Variants in IGSF10 observed in about 807,000 individuals in gnomAD.
IGSF10 encodes the protein immunoglobulin superfamily member 10.
A neutral mutation model predicts 128.2 loss-of-function variants in IGSF10; 126 were observed. That is an observed-to-expected ratio of 0.98 (90% CI 0.85 to 1.14). The LOEUF is 1.14. IGSF10 is among the 50% of genes most tolerant of loss of function. The pLI, the probability that IGSF10 is intolerant of heterozygous loss-of-function variation, is 0.00. For missense variants in IGSF10, 3,295 were observed against 3,149.8 expected (o/e 1.05, Z -1.10); for synonymous variants, 1,185 against 1,146.2 (o/e 1.03, Z -0.68).
chr3:151,476,715 C>T, the IGSF10 span, among the ~76,000 whole-genome samples: 5 of 152,140 alleles, frequency 3.3e-5, no homozygotes, highest in African/African-American at 1.2e-4. Flanking sequence ...TTTCCCCCTC[C>T]AGTTTTGTTG....
In IGSF10 at chr3:151,443,651, T is replaced by G; in HGVS notation, c.5296A>C (p.Lys1766Gln). The change falls in exon 7 of 8, where the codon AAG (lysine) becomes CAG (glutamine). Residue 1766 changes from lysine to glutamine, a missense_variant. By Grantham distance (53) the Lys-to-Gln change is moderately conservative. Coordinates refer to ENST00000282466, the MANE Select transcript of IGSF10 (RefSeq NM_178822.5). ...TVHSGSTVELKCRAEGRPSPT... is the reference protein window; with the variant it reads ...TVHSGSTVELQCRAEGRPSPT... The stretch of plus-strand genomic sequence containing the variant: ...CTTGGCCTACCTTCTGCTCTGCACT[T>G]CAGTTCCACAGTGCTTCCGGAATGA... 1.2e-6 allele frequency: 2 copies of G among 1,614,218 alleles called. No individual in the cohort carries two copies. Among genetic ancestry groups the G allele is most frequent in the Non-Finnish European group, 1.7e-6 (2 of 1,180,038 alleles).
chr3:151,575,568 A>C, the IGSF10 span, among the ~76,000 whole-genome samples: 30 of 152,330 alleles, frequency 2.0e-4, 1 homozygote, highest in Admixed American at 1.1e-3. Flanking sequence ...ACCATTTGCT[A>C]AGACCATTGG....
intron 7 of IGSF10, among the ~76,000 whole-genome samples, chr3:151,438,901 CCAT>C (rs1383468481): frequency 1.3e-5 from 2 of 151,366 alleles, no homozygotes; most frequent in African/African-American, 4.9e-5. Flanking sequence ...ACTAGCATGT[CCAT>C]CACCTCATAG....
Position 151,445,089 on chromosome 3 carries a change from G to C in IGSF10, c.4892C>G (p.Thr1631Ser). ...FDKKPVQEAT[T>S]SKLLPFDSLS... ...AGAGTCAAAGGGAAGGAGTTTGGAA[G>C]TTGTTGCTTCTTGAACTGGTTTCTT... is the stretch of plus-strand genomic sequence containing the variant. The change falls in exon 6 of 8, where the codon ACT becomes AGT. Residue 1631 changes from threonine to serine, a missense_variant. By Grantham distance (58) the Thr-to-Ser change is moderately conservative (BLOSUM62 1). Coordinates refer to ENST00000282466, the MANE Select transcript of IGSF10 (RefSeq NM_178822.5). 2 of 1,614,210 alleles carry C rather than the reference G, an allele frequency of 1.2e-6. No homozygotes were observed. The highest frequency in any genetic ancestry group is 1.3e-5 in the African/African-American group (1 of 75,050).
chr3:151,518,167 TAC>T, the IGSF10 span, among the ~76,000 whole-genome samples: 2 of 152,018 alleles, frequency 1.3e-5, no homozygotes, highest in African/African-American at 4.8e-5. Context: ...GTGGAGTTTA[TAC>T]AGACTGTAGT....
At chr3:151,617,402 T>C in the IGSF10 span, among the ~76,000 whole-genome samples, 5 of 151,364 alleles carry the variant, frequency 3.3e-5, no homozygotes, top group African/African-American at 1.2e-4. Context: ...ATCTTCTTTT[T>C]TTTTTGTTGG....
the IGSF10 span, among the ~76,000 whole-genome samples, chr3:151,532,522 C>A: frequency 6.6e-6 from 1 of 152,066 alleles, no homozygotes; most frequent in Non-Finnish European, 1.5e-5. Flanking sequence ...GCTAGTTCAA[C>A]ATACCCAAAT....
chr3:151,494,509 G>C, the IGSF10 span, among the ~76,000 whole-genome samples: 1 of 151,982 alleles, frequency 6.6e-6, no homozygotes, highest in Non-Finnish European at 1.5e-5. Flanking sequence ...GCATTGTTTA[G>C]TGATGACTTT....
At chr3:151,505,781 CT>C in the IGSF10 span, among the ~76,000 whole-genome samples, 4 of 152,218 alleles carry the variant, frequency 2.6e-5, no homozygotes, top group African/African-American at 9.6e-5. Context: ...CATTTAAAGA[CT>C]TTATAAAAGG....
chr3:151,524,091 C>T, the IGSF10 span, among the ~76,000 whole-genome samples: 1 of 152,014 alleles, frequency 6.6e-6, no homozygotes, highest in African/African-American at 2.4e-5. Context: ...CAAATCAAAA[C>T]CAGTCAGAAT....
At chr3:151,453,032 T>G (rs1721585280) in intron 5 of IGSF10, among the ~76,000 whole-genome samples, 1 of 151,848 alleles carries the variant, frequency 6.6e-6, no homozygotes, top group African/African-American at 2.4e-5. Flanking sequence ...GGCTGAGGGT[T>G]GGAGAGGAGG....
the IGSF10 span, among the ~76,000 whole-genome samples, chr3:151,568,541 C>T: frequency 6.6e-6 from 1 of 152,134 alleles, no homozygotes; most frequent in African/African-American, 2.4e-5. Flanking sequence ...ACAGAGTTCT[C>T]TTTCTTTATA....
the IGSF10 span, among the ~76,000 whole-genome samples, chr3:151,593,765 A>G: frequency 5.9e-5 from 9 of 152,174 alleles, no homozygotes; most frequent in Non-Finnish European, 1.2e-4. Flanking sequence ...TCTCAGAAAG[A>G]ACTAGCATTA....
chr3:151,452,910 G>T (rs1189646700), intron 5 of IGSF10, among the ~76,000 whole-genome samples: 1 of 151,960 alleles, frequency 6.6e-6, no homozygotes, highest in Non-Finnish European at 1.5e-5. Context: ...GAAAGGAAGG[G>T]CTCCAGGCAG....
intron 7 of IGSF10, 36 bp downstream of exon 7, chr3:151,442,948 A>C (rs368698916): frequency 1.2e-5 from 19 of 1,565,600 alleles, no homozygotes; most frequent in Non-Finnish European, 1.6e-5. Context: ...CTAAATACAT[A>C]AAGCAGATAA....
chr3:151,542,709 G>T, the IGSF10 span, among the ~76,000 whole-genome samples: 2 of 152,144 alleles, frequency 1.3e-5, no homozygotes, highest in African/African-American at 2.4e-5. Flanking sequence ...ACTTCTTATA[G>T]TTTCTGATTT....
the IGSF10 span, among the ~76,000 whole-genome samples, chr3:151,558,139 C>T: frequency 2.0e-5 from 3 of 148,224 alleles, no homozygotes; most frequent in Non-Finnish European, 4.5e-5. Context: ...AGGTTTCCAC[C>T]TCCTGAATTT....
the IGSF10 span, among the ~76,000 whole-genome samples, chr3:151,585,077 T>A: frequency 1.3e-5 from 2 of 152,234 alleles, no homozygotes; most frequent in Non-Finnish European, 2.9e-5. Flanking sequence ...AGTTTAATAC[T>A]GCTTTGTCCA....
In IGSF10 at chr3:151,446,262, G is replaced by A. The variant is rs989661995; in HGVS notation, c.3719C>T (p.Pro1240Leu). The A allele has an allele frequency of 2.5e-6, 4 of 1,613,856 alleles. No individual in the cohort carries two copies. Among genetic ancestry groups the A allele is most frequent in the Non-Finnish European group, 3.4e-6 (4 of 1,179,876 alleles). The change falls in exon 6 of 8, where the codon CCT becomes CTT. Residue 1240 changes from proline (P) to leucine (L), a missense_variant. Physicochemically the swap from Pro to Leu is moderately conservative, Grantham distance 98. Coordinates refer to ENST00000282466, the MANE Select transcript of IGSF10 (RefSeq NM_178822.5). Reference protein sequence around the residue: ...STAVMLPKTSPALPRDKVSPF... With the variant: ...STAVMLPKTSLALPRDKVSPF... ...GGAGACTTTGTCTCTGGGTAAAGCA[G>A]GAGATGTTTTAGGAAGCATCACAGC...
Sources: allele counts gnomAD v4.1 joint callset (sites outside exome capture counted in the v4.1 genomes callset), GRCh38; gene constraint gnomAD v4.1.1; transcripts MANE v1.5; gene names NCBI Gene and HGNC (gene_info 2026-07-23, HGNC 2026-07-21).